Variants in IGFBP2 observed in about 807,000 individuals in gnomAD.
IGFBP2 encodes insulin like growth factor binding protein 2.
A neutral mutation model predicts 26.2 loss-of-function variants in IGFBP2; 12 were observed. The observed-to-expected ratio is 0.46, with a 90% CI of 0.29 to 0.74. IGFBP2 has a LOEUF of 0.74. Among genes scored for constraint, IGFBP2 ranks in the 30% least tolerant of loss-of-function variants. The pLI is 0.09. For missense variants in IGFBP2, 328 were observed against 441.2 expected, an observed-to-expected ratio of 0.74 and a Z score of 2.30; for synonymous variants, 189 against 200.6, an observed-to-expected ratio of 0.94 and a Z score of 0.49.
At position 216,637,087 on chromosome 2, in the gene IGFBP2, C is replaced by G. The variant is rs1272589332; in HGVS notation, c.442+3122C>G. On this transcript the variant is annotated intron_variant, in intron 1 of 3. Coordinates refer to ENST00000233809, the MANE Select transcript of IGFBP2 (RefSeq NM_000597.3). ...ATGGGACTTCTGGCTCAGAGTACTG[C>G]TTTGCATCTCGTCTTGCATAAATTT... 4.6e-5 allele frequency among the ~76,000 whole-genome samples: 7 copies of G among 152,190 alleles called. No homozygotes were observed. The East Asian group carries it at 1.3e-3, about 29-fold the overall frequency.
chr2:216,637,369 G>C (rs1452158527), intron 1 of IGFBP2, among the ~76,000 whole-genome samples: 1 of 152,224 alleles, frequency 6.6e-6, no homozygotes, highest in Non-Finnish European at 1.5e-5. Context: ...CCTCTCTGAA[G>C]GGTGTGGCCC....
At chr2:216,641,772 C>T (rs1697618816) in intron 1 of IGFBP2, among the ~76,000 whole-genome samples, 1 of 150,556 alleles carries the variant, frequency 6.6e-6, no homozygotes, top group Non-Finnish European at 1.5e-5. Context: ...TCACTGCAAG[C>T]TCCACCTCCT....
At chr2:216,639,205 T>G (rs193056666) in intron 1 of IGFBP2, among the ~76,000 whole-genome samples, 2 of 152,084 alleles carry the variant, frequency 1.3e-5, no homozygotes, top group Non-Finnish European at 2.9e-5. Flanking sequence ...GTTAATATTT[T>G]TGTATTTTTA....
Position 216,637,822 on chromosome 2 carries a change from A to G in IGFBP2, c.442+3857A>G, listed in dbSNP as rs9341112. On this transcript the variant is annotated intron_variant, in intron 1 of 3. Transcript: ENST00000233809. ...CTTAGATAGTTCTCACTGTTGGCCT[A>G]CTTCAGCACTGAGCTTCAAGACTTT... Among the ~76,000 whole-genome samples the G allele has an allele frequency of 2.5e-3, 387 of 152,316 alleles. 2 individuals carry two copies. The highest frequency in any genetic ancestry group is 8.9e-3 in the African/African-American group (368 of 41,566).
chr2:216,643,618 C>T (rs755295557), intron 1 of IGFBP2, among the ~76,000 whole-genome samples: 3 of 151,672 alleles, frequency 2.0e-5, no homozygotes, highest in East Asian at 1.9e-4. Context: ...GAAGAATTGT[C>T]GTGGGTCACA....
chr2:216,639,248 T>G (rs1189049816), intron 1 of IGFBP2, among the ~76,000 whole-genome samples: 2 of 151,854 alleles, frequency 1.3e-5, no homozygotes, highest in East Asian at 3.9e-4. Flanking sequence ...TTGGCCAGGT[T>G]GGTCTCAAAC....
intron 1 of IGFBP2, among the ~76,000 whole-genome samples, chr2:216,650,382 T>C (rs1167888450): frequency 6.6e-6 from 1 of 152,176 alleles, no homozygotes; most frequent in African/African-American, 2.4e-5. Context: ...CGAACCTCAG[T>C]CCTTCCTCCC....
chr2:216,635,930 G>A (rs997586867), intron 1 of IGFBP2, among the ~76,000 whole-genome samples: 5 of 152,126 alleles, frequency 3.3e-5, no homozygotes, highest in African/African-American at 4.8e-5. Context: ...CTGGGAAGAG[G>A]GGATGTTAAG....
intron 1 of IGFBP2, among the ~76,000 whole-genome samples, chr2:216,644,803 C>G (rs1164036434): frequency 6.6e-6 from 1 of 152,304 alleles, no homozygotes; most frequent in South Asian, 2.1e-4. Context: ...CTCCACTTAA[C>G]AAATGAAGAA....
At chr2:216,653,619 G>C (rs1211573146) in intron 1 of IGFBP2, among the ~76,000 whole-genome samples, 4 of 152,150 alleles carry the variant, frequency 2.6e-5, no homozygotes, top group Non-Finnish European at 5.9e-5. Flanking sequence ...ATGGGACAAC[G>C]ATCCATTTCT....
At chr2:216,660,453 C>T (rs1201076399) in intron 1 of IGFBP2, 104 bp from the exon 2 acceptor site, 5 of 777,742 alleles carry the variant, frequency 6.4e-6, no homozygotes, top group African/African-American at 1.7e-5. Flanking sequence ...ATTAGCCGCG[C>T]GTCATCTCCA....
At position 216,633,582 on chromosome 2, in the gene IGFBP2, T is replaced by TGCTGCCGCC. The variant is rs1461501999; in HGVS notation, c.64_65insCGCCGCTGC (p.Leu21_Leu22insProProLeu). ...CTGCCGCCGCCGCCGCTGCTGCCGC[T>TGCTGCCGCC]GCTGCTGCTGCTACTGGGCGCGAGT... On this transcript the variant is annotated inframe_insertion, in exon 1 of 4. Coordinates refer to ENST00000233809, the MANE Select transcript of IGFBP2 (RefSeq NM_000597.3). 7.2e-6 allele frequency: 7 copies of TGCTGCCGCC among 974,520 alleles called. No individual in the cohort carries two copies. Among genetic ancestry groups the TGCTGCCGCC allele is most frequent in the Non-Finnish European group, 8.6e-6 (7 of 817,978 alleles). The allele number at this position is 974,520 out of a possible 1,614,324, so 60.4% of individuals were successfully genotyped here.
At chr2:216,638,000 C>G (rs548020544) in intron 1 of IGFBP2, among the ~76,000 whole-genome samples, 1 of 152,040 alleles carries the variant, frequency 6.6e-6, no homozygotes, top group African/African-American at 2.4e-5. Flanking sequence ...CCAGCCTGGC[C>G]AGTATAGTGA....
At chr2:216,650,079 C>G (rs1697790127) in intron 1 of IGFBP2, among the ~76,000 whole-genome samples, 1 of 152,210 alleles carries the variant, frequency 6.6e-6, no homozygotes, top group Non-Finnish European at 1.5e-5. Context: ...AGGAAACAGA[C>G]AGAACAGAGA....
chr2:216,650,842 C>T (rs1170500071), intron 1 of IGFBP2, among the ~76,000 whole-genome samples: 1 of 152,128 alleles, frequency 6.6e-6, no homozygotes, highest in Non-Finnish European at 1.5e-5. Context: ...TGGTCTGTTG[C>T]TGAAGGATGG....
At chr2:216,634,007 G>C (rs1205836031) in intron 1 of IGFBP2, 42 bp downstream of exon 1, 1 of 1,544,088 alleles carries the variant, frequency 6.5e-7, no homozygotes, top group Admixed American at 1.9e-5. Flanking sequence ...AACTTGGAGG[G>C]CAGCGGAGAA....
In IGFBP2 at chr2:216,658,873, T is replaced by C. The variant is rs117361984; in HGVS notation, c.443-1684T>C. 3.9e-5 allele frequency among the ~76,000 whole-genome samples: 6 copies of C among 152,314 alleles called. No individual in the cohort carries two copies. In the East Asian group the frequency reaches 7.7e-4, roughly 20 times the overall value. The stretch of plus-strand genomic sequence containing the variant: ...GGCCTAAGTCATCTTTTAACTGCTT[T>C]TCTTTCGTCATACTCTCAACAGCTC... On this transcript the variant is annotated intron_variant, in intron 1 of 3. Transcript: ENST00000233809.
At chr2:216,654,661 C>T (rs1359197976) in intron 1 of IGFBP2, among the ~76,000 whole-genome samples, 2 of 152,208 alleles carry the variant, frequency 1.3e-5, no homozygotes, top group African/African-American at 2.4e-5. Context: ...GATTTGAGTC[C>T]AGAAGCCTCT....
chr2:216,636,219 C>T (rs922981744), intron 1 of IGFBP2, among the ~76,000 whole-genome samples: 2 of 152,104 alleles, frequency 1.3e-5, no homozygotes, highest in Non-Finnish European at 2.9e-5. Flanking sequence ...AGCACTGAAT[C>T]CTCTGCCTCC....
Sources: gnomAD v4.1 joint callset for allele counts (sites outside exome capture counted in the v4.1 genomes callset) on GRCh38, gnomAD v4.1.1 for gene constraint, MANE v1.5 for transcripts, NCBI Gene and HGNC (gene_info 2026-07-23, HGNC 2026-07-21) for gene names.